PRH1: variants seen among roughly 807,000 people sequenced by gnomAD.
PRH1 encodes proline rich protein HaeIII subfamily 1.
Under a neutral mutation model 7.9 loss-of-function variants are expected in PRH1, and 7 were observed. That is an observed-to-expected ratio of 0.89 (90% CI 0.50 to 1.67). The LOEUF is 1.67. PRH1 is among the 40% of genes most tolerant of loss of function. PRH1 has a pLI of 0.00. For missense variants in PRH1, 109 were observed against 223.6 expected, an observed-to-expected ratio of 0.49 and a Z score of 3.27; for synonymous variants, 45 against 80.8, an observed-to-expected ratio of 0.56 and a Z score of 2.38.
At chr12:11,067,899 T>C (rs1408759856) in intron 1 of PRH1, among the ~76,000 whole-genome samples, 1 of 152,172 alleles carries the variant, frequency 6.6e-6, no homozygotes, top group African/African-American at 2.4e-5. Flanking sequence ...TAACTTGGAT[T>C]TCTTAGTACC....
chr12:11,084,586 G>A (rs1944621753), intron 1 of PRH1, among the ~76,000 whole-genome samples: 1 of 137,134 alleles, frequency 7.3e-6, no homozygotes, highest in Non-Finnish European at 1.6e-5. Flanking sequence ...TACTTCATAA[G>A]CTTTCCAAAA....
chr12:11,036,194 A>G (rs1942428505), intron 1 of PRH1, among the ~76,000 whole-genome samples: 1 of 152,224 alleles, frequency 6.6e-6, no homozygotes, highest in Non-Finnish European at 1.5e-5. Flanking sequence ...CGCCCGCCCT[A>G]TGCTGTTTTA....
chr12:11,146,653 C>T (rs147264572), intron 1 of PRH1, among the ~76,000 whole-genome samples: 1 of 152,130 alleles, frequency 6.6e-6, no homozygotes, highest in Admixed American at 6.5e-5. Flanking sequence ...AAATCCTCAC[C>T]TACCCTGAAT....
intron 1 of PRH1, among the ~76,000 whole-genome samples, chr12:10,975,574 C>T (rs543592575): frequency 6.6e-6 from 1 of 152,124 alleles, no homozygotes; most frequent in African/African-American, 2.4e-5. Context: ...CATATCAACA[C>T]TAACCTCGAA....
intron 1 of PRH1, among the ~76,000 whole-genome samples, chr12:11,098,812 C>T (rs1380728039): frequency 6.6e-6 from 1 of 152,154 alleles, no homozygotes; most frequent in Non-Finnish European, 1.5e-5. Flanking sequence ...TTCACAAGCT[C>T]ATAAATATGA....
intron 1 of PRH1, among the ~76,000 whole-genome samples, chr12:11,020,077 G>A (rs1941521428): frequency 6.6e-6 from 1 of 152,238 alleles, no homozygotes; most frequent in Admixed American, 6.5e-5. Flanking sequence ...TTGTGGACTA[G>A]CCAAACTTTT....
intron 2 of PRH1, among the ~76,000 whole-genome samples, chr12:10,926,545 A>G (rs901810492): frequency 2.6e-5 from 4 of 152,182 alleles, no homozygotes; most frequent in African/African-American, 4.8e-5. Context: ...TCTAATTTCT[A>G]CTTTTAAATG....
chr12:10,923,943 T>G (rs1236008525), intron 2 of PRH1, among the ~76,000 whole-genome samples: 2 of 151,928 alleles, frequency 1.3e-5, no homozygotes, highest in South Asian at 4.1e-4. Context: ...ACTCTTTTTT[T>G]GCTTTGAGAT....
chr12:10,887,416 T>C (rs1949508550), upstream of PRH1, among the ~76,000 whole-genome samples: 1 of 152,224 alleles, frequency 6.6e-6, no homozygotes, highest in African/African-American at 2.4e-5. Flanking sequence ...TCTAAAAAGT[T>C]TGGTGACACT....
chr12:11,134,068 G>A (rs1290568417), intron 1 of PRH1: 3 of 1,614,100 alleles, frequency 1.9e-6, no homozygotes, highest in Non-Finnish European at 2.5e-6. Context: ...ATAACACCCA[G>A]AGCAAACCAA....
intron 1 of PRH1, among the ~76,000 whole-genome samples, chr12:11,151,805 A>G (rs1277405077): frequency 6.6e-6 from 1 of 152,186 alleles, no homozygotes; most frequent in African/African-American, 2.4e-5. Flanking sequence ...ATTTATTTAA[A>G]GAGTGTGTTC....
intron 1 of PRH1, among the ~76,000 whole-genome samples, chr12:11,152,992 G>C (rs1947145351): frequency 6.6e-6 from 1 of 152,066 alleles, no homozygotes; most frequent in African/African-American, 2.4e-5. Context: ...AGATTTAAGG[G>C]TATTCATGAC....
chr12:11,095,986 AATCT>A (rs1945061557), intron 1 of PRH1, among the ~76,000 whole-genome samples: 3 of 112,692 alleles, frequency 2.7e-5, no homozygotes, highest in Non-Finnish European at 2.1e-5. Context: ...CCTTTAACAT[AATCT>A]ATCTTTTCCT....
At chr12:11,026,082 C>G (rs1941897708) in intron 1 of PRH1, among the ~76,000 whole-genome samples, 1 of 152,214 alleles carries the variant, frequency 6.6e-6, no homozygotes, top group Non-Finnish European at 1.5e-5. Context: ...GTTACCCAAG[C>G]TGGAGTACAG....
intron 1 of PRH1, among the ~76,000 whole-genome samples, chr12:11,019,970 A>G (rs1434952372): frequency 6.6e-6 from 1 of 152,298 alleles, no homozygotes; most frequent in Non-Finnish European, 1.5e-5. Flanking sequence ...AAGCATTAGA[A>G]TAAGTGCCAT....
intron 1 of PRH1, among the ~76,000 whole-genome samples, chr12:11,165,207 C>A (rs903208244): frequency 1.3e-5 from 2 of 152,156 alleles, no homozygotes; most frequent in Admixed American, 6.5e-5. Context: ...AGAGGCTTTG[C>A]CACTTTGCAT....
At chr12:10,991,429 ATTAG>A (rs1939926682) in intron 1 of PRH1, among the ~76,000 whole-genome samples, 1 of 152,162 alleles carries the variant, frequency 6.6e-6, no homozygotes, top group African/African-American at 2.4e-5. Context: ...ATAAAACTTA[ATTAG>A]CTATCTGGTC....
At chr12:11,065,226 A>G (rs1329758583) in intron 1 of PRH1, among the ~76,000 whole-genome samples, 1 of 151,974 alleles carries the variant, frequency 6.6e-6, no homozygotes, top group Admixed American at 6.6e-5. Flanking sequence ...CTTTAACATA[A>G]TCTGTCTTTT....
chr12:11,128,110 C>CAAAAAA (rs71434172), intron 1 of PRH1, among the ~76,000 whole-genome samples: 6 of 100,562 alleles, frequency 6.0e-5, no homozygotes, highest in Non-Finnish European at 7.8e-5. Flanking sequence ...GACTCAGTCT[C>CAAAAAA]AAAAAAAAAA....
Sources: gnomAD v4.1 joint callset for allele counts (sites outside exome capture counted in the v4.1 genomes callset) on GRCh38, gnomAD v4.1.1 for gene constraint, MANE v1.5 for transcripts, NCBI Gene and HGNC (gene_info 2026-07-23, HGNC 2026-07-21) for gene names.